The following PTPRD variants were observed in gnomAD, a reference collection of about 807,000 sequenced individuals.
PTPRD encodes protein tyrosine phosphatase receptor type D, also known as receptor-type tyrosine-protein phosphatase delta.
Under a neutral mutation model 214.5 loss-of-function variants are expected in PTPRD, and 34 were observed. The ratio of observed to expected loss-of-function variants is 0.16; its 90% CI spans 0.12 to 0.21. The LOEUF is 0.21. Among genes scored for constraint, PTPRD ranks in the 10% least tolerant of loss-of-function variants. The pLI, the probability that PTPRD is intolerant of heterozygous loss-of-function variation, is 1.00. For missense variants in PTPRD, 2,545 were observed against 2,398.7 expected (o/e 1.06, Z -1.27); for synonymous variants, 1,128 against 845.7 (o/e 1.33, Z -5.79).
chr9:9,335,500 A>T (rs1251753744), intron 9 of PTPRD, among the ~76,000 whole-genome samples: 1 of 152,096 alleles, frequency 6.6e-6, no homozygotes, highest in Non-Finnish European at 1.5e-5. Context: ...ATATTAAGAC[A>T]TTACCTTACT....
chr9:9,433,177 T>G (rs1209429827), intron 8 of PTPRD, among the ~76,000 whole-genome samples: 1 of 152,192 alleles, frequency 6.6e-6, no homozygotes, highest in Non-Finnish European at 1.5e-5. Flanking sequence ...GAGATGATTT[T>G]GCATTGCCAG....
intron 2 of PTPRD, among the ~76,000 whole-genome samples, chr9:10,504,235 C>G (rs1332920010): frequency 1.3e-5 from 2 of 148,802 alleles, no homozygotes; most frequent in Non-Finnish European, 3.0e-5. Context: ...ATGCATCGAA[C>G]TCTCTCCTAT....
chr9:9,745,780 A>G (rs1479050290), intron 6 of PTPRD, among the ~76,000 whole-genome samples: 1 of 152,076 alleles, frequency 6.6e-6, no homozygotes, highest in African/African-American at 2.4e-5. Flanking sequence ...TTCAGTTTCT[A>G]AAGTGTGTTC....
chr9:10,357,875 A>G (rs1453122090), intron 2 of PTPRD, among the ~76,000 whole-genome samples: 1 of 152,176 alleles, frequency 6.6e-6, no homozygotes, highest in African/African-American at 2.4e-5. Flanking sequence ...TTGGTACTGT[A>G]TTAAAGAAAA....
intron 12 of PTPRD, among the ~76,000 whole-genome samples, chr9:8,696,451 G>A (rs923598973): frequency 7.9e-5 from 12 of 152,154 alleles, no homozygotes; most frequent in African/African-American, 2.9e-4. Flanking sequence ...GTCTTGGGGT[G>A]GGGGGACAAG....
rs149844163 is a variant in PTPRD, at chr9:9,628,137, T to C, written c.-286-53356A>G. 8.9e-3 allele frequency among the ~76,000 whole-genome samples: 1,354 copies of C among 152,304 alleles called. 8 individuals are homozygous for C. Among genetic ancestry groups the C allele is most frequent in the Non-Finnish European group, 0.011 (769 of 68,022 alleles). On this transcript the variant is annotated intron_variant, in intron 7 of 45. Coordinates refer to ENST00000381196, the MANE Select transcript of PTPRD (RefSeq NM_002839.4). ...ATTTTAATCATTAGTCAACTCTCATTATGATACTGTATAAATGTAGGCTTT... is the reference window on the plus strand; with the variant it reads ...ATTTTAATCATTAGTCAACTCTCATCATGATACTGTATAAATGTAGGCTTT...
intron 2 of PTPRD, among the ~76,000 whole-genome samples, chr9:10,589,368 G>T (rs753859082): frequency 6.6e-6 from 1 of 152,008 alleles, no homozygotes; most frequent in Admixed American, 6.6e-5. Context: ...GAAATTATCA[G>T]TGAAGTGTGG....
At chr9:9,098,025 G>C (rs557345070) in intron 10 of PTPRD, among the ~76,000 whole-genome samples, 1 of 151,718 alleles carries the variant, frequency 6.6e-6, no homozygotes, top group Admixed American at 6.6e-5. Context: ...TATTAGAAGT[G>C]TTTTAATTTT....
intron 8 of PTPRD, among the ~76,000 whole-genome samples, chr9:9,428,617 G>A (rs944228574): frequency 6.6e-5 from 10 of 152,200 alleles, no homozygotes; most frequent in Non-Finnish European, 1.0e-4. Flanking sequence ...TCAGCACCAT[G>A]TCGCACTTAT....
At chr9:9,446,659 C>G (rs75614547) in intron 8 of PTPRD, among the ~76,000 whole-genome samples, 228 of 152,134 alleles carry the variant, frequency 1.5e-3, no homozygotes, top group African/African-American at 5.4e-3. Context: ...TCCCTGACCT[C>G]CAAATGGGAT....
intron 2 of PTPRD, among the ~76,000 whole-genome samples, chr9:10,415,321 T>C (rs149881970): frequency 8.7e-4 from 132 of 151,966 alleles, no homozygotes; most frequent in African/African-American, 3.0e-3. Flanking sequence ...CACACACATA[T>C]ATATGTACAA....
chr9:9,986,410 G>C (rs751307540), intron 4 of PTPRD, among the ~76,000 whole-genome samples: 6 of 152,026 alleles, frequency 3.9e-5, no homozygotes, highest in Non-Finnish European at 8.8e-5. Context: ...ATTTATTGAA[G>C]TAATATTGTA....
chr9:8,654,860 G>A (rs1299247678), intron 12 of PTPRD, among the ~76,000 whole-genome samples: 1 of 152,116 alleles, frequency 6.6e-6, no homozygotes, highest in Non-Finnish European at 1.5e-5. Context: ...TGCCAGAACT[G>A]TACTAGCTTC....
chr9:8,484,426 A>G (rs2096953913), intron 29 of PTPRD, 48 bp from the exon 30 acceptor site: 7 of 1,558,964 alleles, frequency 4.5e-6, no homozygotes, highest in Non-Finnish European at 5.2e-6. Flanking sequence ...TCAGAGAGGC[A>G]AAATATATTT....
chr9:10,391,974 CACCTGTTGGCAAA>C (rs1382544434), intron 2 of PTPRD, among the ~76,000 whole-genome samples: 1 of 151,732 alleles, frequency 6.6e-6, no homozygotes, highest in East Asian at 2.0e-4. Flanking sequence ...CTCAAATGGT[CACCTGTTGGCAAA>C]ACCTTCCTTA....
In PTPRD at chr9:9,603,160, T is replaced by C. The variant is rs181663291; in HGVS notation, c.-286-28379A>G. On this transcript the variant is annotated intron_variant, in intron 7 of 45. Coordinates refer to ENST00000381196, the MANE Select transcript of PTPRD (RefSeq NM_002839.4). Reference sequence around the variant, plus strand: ...GCATAAGTGAGATAAATTGCATAGATAGGGTTCTTCTGAAAGGGTAAACAT... The same window carrying C: ...GCATAAGTGAGATAAATTGCATAGACAGGGTTCTTCTGAAAGGGTAAACAT... 1.0e-3 allele frequency among the ~76,000 whole-genome samples: 155 copies of C among 152,232 alleles called. 1 individual carries two copies. In the Middle Eastern group the frequency reaches 0.034, roughly 33 times the overall value.
At chr9:10,396,366 C>T (rs2098170424) in intron 2 of PTPRD, among the ~76,000 whole-genome samples, 1 of 151,888 alleles carries the variant, frequency 6.6e-6, no homozygotes, top group Non-Finnish European at 1.5e-5. Context: ...GCTGGCTTGG[C>T]AATAGACCAT....
intron 10 of PTPRD, among the ~76,000 whole-genome samples, chr9:9,180,226 A>G (rs2099927403): frequency 6.6e-6 from 1 of 151,928 alleles, no homozygotes; most frequent in African/African-American, 2.4e-5. Flanking sequence ...GACTGGATTA[A>G]GAAAATGTGG....
At chr9:10,012,196 T>C (rs1217553215) in intron 4 of PTPRD, among the ~76,000 whole-genome samples, 1 of 151,790 alleles carries the variant, frequency 6.6e-6, no homozygotes, top group Non-Finnish European at 1.5e-5. Flanking sequence ...TGAAGAATTG[T>C]AAAAAAGTAC....
Sources: gnomAD v4.1 joint callset for allele counts (sites outside exome capture counted in the v4.1 genomes callset) on GRCh38, gnomAD v4.1.1 for gene constraint, MANE v1.5 for transcripts, NCBI Gene and HGNC (gene_info 2026-07-23, HGNC 2026-07-21) for gene names.